GPC5: variants seen among roughly 807,000 people sequenced by gnomAD.
The protein encoded by GPC5 is glypican-5.
Under a neutral mutation model 53.9 loss-of-function variants are expected in GPC5, and 47 were observed. The ratio of observed to expected loss-of-function variants is 0.87; its 90% CI spans 0.69 to 1.11. The LOEUF (loss-of-function observed/expected upper bound fraction) is 1.11. Ranked by LOEUF, GPC5 falls within the 50% of genes most tolerant of loss-of-function variation. The pLI is 0.00. For missense variants in GPC5, 748 were observed against 713.1 expected (o/e 1.05, Z -0.56); for synonymous variants, 286 against 263.3 (o/e 1.09, Z -0.84).
chr13:92,058,224 A>G (rs575447711), intron 6 of GPC5, among the ~76,000 whole-genome samples: 4 of 152,284 alleles, frequency 2.6e-5, no homozygotes, highest in Non-Finnish European at 5.9e-5. Flanking sequence ...AGATGGTCTC[A>G]CTGTGTTGCC....
intron 7 of GPC5, among the ~76,000 whole-genome samples, chr13:92,632,233 A>G (rs962431514): frequency 1.3e-5 from 2 of 152,136 alleles, no homozygotes; most frequent in Non-Finnish European, 2.9e-5. Flanking sequence ...AGAGCCAATG[A>G]CTGAATTCTA....
intron 7 of GPC5, among the ~76,000 whole-genome samples, chr13:92,398,428 C>CAAAAAAAAA (rs35873316): frequency 6.8e-5 from 6 of 87,656 alleles, no homozygotes; most frequent in African/African-American, 2.5e-4. Flanking sequence ...GACTCCGTCT[C>CAAAAAAAAA]AAAAAAAAAA....
At chr13:92,825,810 A>C (rs1217446920) in intron 7 of GPC5, among the ~76,000 whole-genome samples, 2 of 152,152 alleles carry the variant, frequency 1.3e-5, no homozygotes, top group African/African-American at 4.8e-5. Context: ...TTATATATAA[A>C]TGGAATTATG....
chr13:92,642,750 ATTG>A (rs559204370), intron 7 of GPC5, among the ~76,000 whole-genome samples: 48 of 152,286 alleles, frequency 3.2e-4, no homozygotes, highest in African/African-American at 1.0e-3. Context: ...TGTTATTGTT[ATTG>A]TTGTTGTTCC....
intron 7 of GPC5, among the ~76,000 whole-genome samples, chr13:92,488,661 A>G (rs191247853): frequency 9.0e-4 from 137 of 152,324 alleles, no homozygotes; most frequent in Non-Finnish European, 1.3e-3. Context: ...AGGAAATGCA[A>G]TGACATAAAA....
At chr13:91,951,325 TTG>T (rs1323895267) in intron 6 of GPC5, among the ~76,000 whole-genome samples, 2 of 151,994 alleles carry the variant, frequency 1.3e-5, no homozygotes, top group African/African-American at 2.4e-5. Context: ...TTGACAAACA[TTG>T]TGTGTGTATA....
chr13:92,125,945 T>G (rs2041692934), intron 6 of GPC5, among the ~76,000 whole-genome samples: 28 of 42,490 alleles, frequency 6.6e-4, no homozygotes, highest in Non-Finnish European at 9.1e-4. Flanking sequence ...TTTTTTTTTT[T>G]TTTTTTTTTT....
chr13:92,329,192 T>G (rs2043272172), intron 7 of GPC5, among the ~76,000 whole-genome samples: 1 of 152,114 alleles, frequency 6.6e-6, no homozygotes, highest in Admixed American at 6.6e-5. Flanking sequence ...AATTGATAAA[T>G]AAGGCAGGCT....
At chr13:92,050,418 A>G (rs930766745) in intron 6 of GPC5, among the ~76,000 whole-genome samples, 4 of 152,160 alleles carry the variant, frequency 2.6e-5, no homozygotes, top group African/African-American at 4.8e-5. Context: ...TATGGGGATT[A>G]TCTACTTTTG....
intron 7 of GPC5, among the ~76,000 whole-genome samples, chr13:92,474,342 G>C (rs534343892): frequency 2.0e-5 from 3 of 151,934 alleles, no homozygotes; most frequent in South Asian, 2.1e-4. Context: ...TAACCTCTAT[G>C]TATATTTAGT....
intron 6 of GPC5, among the ~76,000 whole-genome samples, chr13:92,023,892 T>A (rs1252951332): frequency 5.9e-5 from 9 of 152,138 alleles, no homozygotes; most frequent in Admixed American, 5.9e-4. Context: ...TCAAGTCACT[T>A]ATTGACAATA....
intron 7 of GPC5, among the ~76,000 whole-genome samples, chr13:92,341,577 TAAG>T (rs2043367060): frequency 6.6e-6 from 1 of 152,042 alleles, no homozygotes; most frequent in Non-Finnish European, 1.5e-5. Context: ...ATTGAATAAT[TAAG>T]AGGTGAGTTG....
At chr13:92,100,115 T>C (rs2041453587) in intron 6 of GPC5, among the ~76,000 whole-genome samples, 1 of 151,720 alleles carries the variant, frequency 6.6e-6, no homozygotes. Flanking sequence ...ATTAAAAAAA[T>C]AAAAAGTATC....
intron 7 of GPC5, among the ~76,000 whole-genome samples, chr13:92,711,952 G>T (rs1888153154): frequency 6.6e-6 from 1 of 151,860 alleles, no homozygotes; most frequent in Non-Finnish European, 1.5e-5. Context: ...TAAATGCTGT[G>T]TTAGCAGAGA....
rs532738061 is a variant in GPC5, at chr13:92,379,833, C to T, written c.1561+234844C>T. Among the ~76,000 whole-genome samples, 222 of 152,278 alleles carry T rather than the reference C, an allele frequency of 1.5e-3. 1 individual carries two copies. The Middle Eastern group carries it at 0.034, about 23-fold the overall frequency. On this transcript the variant is annotated intron_variant, in intron 7 of 7. Transcript: ENST00000377067. The stretch of plus-strand genomic sequence containing the variant: ...GGCTCACAGCAAGGATCCTCTCTGG[C>T]TTGATATTTTCTTGTTTTGCCGCTT...
At chr13:91,877,582 G>A (rs1370220078) in intron 5 of GPC5, among the ~76,000 whole-genome samples, 2 of 152,110 alleles carry the variant, frequency 1.3e-5, no homozygotes, top group East Asian at 3.9e-4. Flanking sequence ...CCCAATAACT[G>A]TACCTCCACT....
At chr13:91,442,133 A>G (rs1880483252) in intron 1 of GPC5, among the ~76,000 whole-genome samples, 1 of 152,202 alleles carries the variant, frequency 6.6e-6, no homozygotes, top group Non-Finnish European at 1.5e-5. Context: ...ACACAAATGT[A>G]TGGCTTAATA....
chr13:92,287,491 T>A (rs77505889), intron 7 of GPC5, among the ~76,000 whole-genome samples: 5 of 152,144 alleles, frequency 3.3e-5, no homozygotes, highest in African/African-American at 1.2e-4. Flanking sequence ...ATTTTTTTCT[T>A]TAATTATGTC....
chr13:92,205,633 A>T (rs980194210), intron 7 of GPC5, among the ~76,000 whole-genome samples: 1 of 152,220 alleles, frequency 6.6e-6, no homozygotes, highest in Non-Finnish European at 1.5e-5. Flanking sequence ...ACAGCAAAAC[A>T]TCACATTTGT....
Sources: gnomAD v4.1 joint callset for allele counts (sites outside exome capture counted in the v4.1 genomes callset) on GRCh38, gnomAD v4.1.1 for gene constraint, MANE v1.5 for transcripts, NCBI Gene and HGNC (gene_info 2026-07-23, HGNC 2026-07-21) for gene names.